TFDP2: variants seen among roughly 807,000 people sequenced by gnomAD.
TFDP2 encodes the protein transcription factor Dp-2.
Under a neutral mutation model 59.3 loss-of-function variants are expected in TFDP2, and 17 were observed. That is an observed-to-expected ratio of 0.29 (90% CI 0.20 to 0.43). The LOEUF (loss-of-function observed/expected upper bound fraction) is 0.43. Among genes scored for constraint, TFDP2 ranks in the 20% least tolerant of loss-of-function variants. TFDP2 has a pLI of 1.00. For missense variants in TFDP2, 391 were observed against 528.8 expected (o/e 0.74, Z 2.56); for synonymous variants, 180 against 194.7 (o/e 0.92, Z 0.63).
At position 142,042,650 on chromosome 3, in the gene TFDP2, T is replaced by A. The variant is rs201581972; in HGVS notation, c.83-37106A>T. 1.7e-4 allele frequency among the ~76,000 whole-genome samples: 17 copies of A among 100,132 alleles called. No homozygotes were observed. In the East Asian group the frequency reaches 4.3e-3, roughly 25 times the overall value. 65.7% of individuals were successfully genotyped at this position (100,132 alleles called of 152,430 possible). A position where few individuals can be genotyped will look rare whatever the true frequency, so the allele number is the denominator to read the frequency against. On this transcript the variant is annotated intron_variant, in intron 3 of 12. Coordinates refer to ENST00000489671, the MANE Select transcript of TFDP2 (RefSeq NM_001178139.2). ...CTTTTCTTTTTTTTTTTTTTTTTTT[T>A]ACCATTTATTAGTGCAGCAGAAAAT... is the stretch of plus-strand genomic sequence containing the variant.
In TFDP2 at chr3:142,124,024, A is replaced by G. The variant is rs75704840; in HGVS notation, c.-92-22183T>C. On this transcript the variant is annotated intron_variant, in intron 1 of 12. Transcript: ENST00000489671. ...ACTATGTAAAGACATAATGGAAAAAATTAACTCATTTACATAGAAAAAAAC... is the reference window on the plus strand; with the variant it reads ...ACTATGTAAAGACATAATGGAAAAAGTTAACTCATTTACATAGAAAAAAAC... 1.2e-3 allele frequency among the ~76,000 whole-genome samples: 178 copies of G among 152,296 alleles called. 1 individual carries two copies. Among genetic ancestry groups the G allele is most frequent in the African/African-American group, 4.2e-3 (173 of 41,570 alleles).
chr3:142,145,814 C>T (rs2063152158), intron 1 of TFDP2, among the ~76,000 whole-genome samples: 1 of 151,878 alleles, frequency 6.6e-6, no homozygotes, highest in African/African-American at 2.4e-5. Flanking sequence ...TCACTAAGGA[C>T]AAGTAATGAT....
chr3:142,119,182 A>G (rs1032167440), intron 1 of TFDP2, among the ~76,000 whole-genome samples: 4 of 152,182 alleles, frequency 2.6e-5, no homozygotes, highest in African/African-American at 9.7e-5. Flanking sequence ...GTACATTCCA[A>G]GAAAACATTC....
chr3:142,012,723 G>A (rs1474846268), intron 3 of TFDP2, among the ~76,000 whole-genome samples: 1 of 152,118 alleles, frequency 6.6e-6, no homozygotes, highest in East Asian at 1.9e-4. Context: ...AGTCTGCCAA[G>A]AGAAACTACA....
At chr3:142,112,292 CTATT>C (rs1000968266) in intron 1 of TFDP2, among the ~76,000 whole-genome samples, 11 of 152,146 alleles carry the variant, frequency 7.2e-5, no homozygotes, top group Non-Finnish European at 1.2e-4. Flanking sequence ...TATTCACTAT[CTATT>C]TATCTAGCAG....
intron 1 of TFDP2, among the ~76,000 whole-genome samples, chr3:142,108,749 G>A (rs1577003113): frequency 6.6e-6 from 1 of 152,088 alleles, no homozygotes; most frequent in Admixed American, 6.6e-5. Flanking sequence ...GGATGCTGAT[G>A]TGGTATATGC....
Position 142,125,849 on chromosome 3 carries a change from G to A in TFDP2, c.-93+23334C>T, listed in dbSNP as rs535590352. 2.0e-5 allele frequency among the ~76,000 whole-genome samples: 3 copies of A among 152,118 alleles called. 1 individual carries two copies. The East Asian group carries it at 5.8e-4, about 29-fold the overall frequency. On this transcript the variant is annotated intron_variant, in intron 1 of 12. Transcript: ENST00000489671. ...TGACTCATGGCCTCTCATATCATTT[G>A]TATTTTGTACCATGAACACAAACTA... is the stretch of plus-strand genomic sequence containing the variant.
At chr3:142,137,205 T>A in intron 1 of TFDP2, among the ~76,000 whole-genome samples, 1 of 152,242 alleles carries the variant, frequency 6.6e-6, no homozygotes, top group East Asian at 1.9e-4. Context: ...TGTGTAGGAA[T>A]GCTTGTGATT....
chr3:142,147,720 A>G (rs2063224697), intron 1 of TFDP2, among the ~76,000 whole-genome samples: 1 of 152,204 alleles, frequency 6.6e-6, no homozygotes. Context: ...TACAGACACC[A>G]TGTCTACTCT....
intron 1 of TFDP2, among the ~76,000 whole-genome samples, chr3:142,110,976 C>T (rs531353706): frequency 5.9e-5 from 9 of 151,586 alleles, no homozygotes; most frequent in African/African-American, 2.2e-4. Context: ...AGATACTGAG[C>T]ATTAAATGCT....
At chr3:141,987,849 G>C (rs1486709639) in intron 6 of TFDP2, among the ~76,000 whole-genome samples, 1 of 150,646 alleles carries the variant, frequency 6.6e-6, no homozygotes, top group Non-Finnish European at 1.5e-5. Flanking sequence ...TGAGGCAGGA[G>C]AATCGCTTAA....
intron 6 of TFDP2, among the ~76,000 whole-genome samples, chr3:141,987,964 A>T (rs574053113): frequency 8.6e-5 from 13 of 151,320 alleles, no homozygotes; most frequent in African/African-American, 3.2e-4. Flanking sequence ...GAAAAAGAAA[A>T]TGACATTCTT....
rs142832325 is a variant in TFDP2, at chr3:142,145,711, C to CTAAATAAA, written c.-93+3464_-93+3471dup. 1.9e-3 allele frequency among the ~76,000 whole-genome samples: 287 copies of CTAAATAAA among 148,162 alleles called. 3 individuals carry two copies. In the Middle Eastern group the frequency reaches 0.038, roughly 20 times the overall value. On this transcript the variant is annotated intron_variant, in intron 1 of 12. Transcript: ENST00000489671. ...TGGGTGACAGAGAGAGACTCTGTCT[C>CTAAATAAA]TAAATAAATAAATAAATAAATAAAT... is the stretch of plus-strand genomic sequence containing the variant.
At chr3:141,993,204 A>AAAAAAAG (rs1284341191) in intron 6 of TFDP2, among the ~76,000 whole-genome samples, 1 of 152,000 alleles carries the variant, frequency 6.6e-6, no homozygotes, top group African/African-American at 2.4e-5. Flanking sequence ...CATCTCAAAA[A>AAAAAAAG]AAAGAAAAAA....
rs538305306 is a variant in TFDP2, at chr3:141,950,416, G to A, written c.*2097C>T. The A allele has an allele frequency of 2.6e-5, 4 of 152,360 alleles. No individual in the cohort carries two copies. The highest frequency in any genetic ancestry group is 3.9e-4 in the East Asian group (2 of 5,176). 9.4% of individuals were successfully genotyped at this position (152,360 alleles called of 1,614,324 possible). A position where few individuals can be genotyped will look rare whatever the true frequency, so the allele number is the denominator to read the frequency against. On this transcript the variant is annotated 3_prime_UTR_variant, in exon 13 of 13. Transcript: ENST00000489671. ...ACCAATAAGGATAAGAGTCTTTGGCGGCTTTCTTTTTTTGAGCCCATATTT... is the reference window on the plus strand; with the variant it reads ...ACCAATAAGGATAAGAGTCTTTGGCAGCTTTCTTTTTTTGAGCCCATATTT...
At chr3:141,968,381 C>CATATATAACATATATA (rs1559936817) in intron 9 of TFDP2, among the ~76,000 whole-genome samples, 6 of 90,528 alleles carry the variant, frequency 6.6e-5, no homozygotes, top group African/African-American at 2.4e-4. Context: ...TAACATATAT[C>CATATATAACATATATA]TCATATATAT....
At chr3:141,978,711 C>T (rs772736269) in intron 6 of TFDP2, 29 bp from the exon 7 acceptor site, 2 of 1,516,808 alleles carry the variant, frequency 1.3e-6, no homozygotes, top group East Asian at 2.3e-5. Context: ...TTTTTTACTC[C>T]ATTATACATA....
intron 10 of TFDP2, among the ~76,000 whole-genome samples, chr3:141,961,207 A>T (rs1376205419): frequency 6.8e-6 from 1 of 147,566 alleles, no homozygotes; most frequent in Non-Finnish European, 1.5e-5. Flanking sequence ...AAAGATGCTA[A>T]CCATTTTCCA....
chr3:142,033,980 T>C (rs1291781531), intron 3 of TFDP2, among the ~76,000 whole-genome samples: 1 of 152,188 alleles, frequency 6.6e-6, no homozygotes, highest in Non-Finnish European at 1.5e-5. Context: ...GCAGAGATTG[T>C]TCCCTTCTAA....
Sources: gnomAD v4.1 joint callset for allele counts (sites outside exome capture counted in the v4.1 genomes callset) on GRCh38, gnomAD v4.1.1 for gene constraint, MANE v1.5 for transcripts, NCBI Gene and HGNC (gene_info 2026-07-23, HGNC 2026-07-21) for gene names.